Variants in CPEB1 observed in about 807,000 individuals in gnomAD.
The protein encoded by CPEB1 is cytoplasmic polyadenylation element-binding protein 1.
In CPEB1, 7 loss-of-function variants were observed where a neutral mutation model predicts 65.8. The observed-to-expected ratio is 0.11, with a 90% CI of 0.06 to 0.20. The LOEUF is 0.20. Among genes scored for constraint, CPEB1 ranks in the 10% least tolerant of loss-of-function variants. CPEB1 has a pLI of 1.00. For synonymous variants in CPEB1, 262 were observed against 260.0 expected (o/e 1.01, Z -0.08); for missense variants, 551 against 712.2 (o/e 0.77, Z 2.58).
chr15:82,544,710 G>A lies in CPEB1; in HGVS notation c.1657-8C>T, dbSNP rs2034849952. The A allele has an allele frequency of 6.2e-7, 1 of 1,608,148 alleles. No individual in the cohort carries two copies. Among genetic ancestry groups the A allele is most frequent in the Non-Finnish European group, 8.5e-7 (1 of 1,175,904 alleles). The stretch of plus-strand genomic sequence containing the variant: ...GAAGTATTTGAAGCAGACCTGGGTT[G>A]GGGGAACAAAAAGGAGGATGCCATG... On this transcript the variant is annotated splice_region_variant and splice_polypyrimidine_tract_variant and intron_variant, in intron 12 of 12. Transcript: ENST00000684509.
chr15:82,576,541 GAT>G (rs1020170438), intron 3 of CPEB1, among the ~76,000 whole-genome samples: 13 of 152,286 alleles, frequency 8.5e-5, no homozygotes, highest in African/African-American at 3.1e-4. Context: ...ACAATTTAAA[GAT>G]ATGTGATAAG....
Position 82,556,054 on chromosome 15 carries a change from T to A in CPEB1, c.756A>T (p.Leu252Phe). The stretch of plus-strand genomic sequence containing the variant: ...CCATCCGAGACCCTACCCCCATCTT[T>A]AAAGGGTCTCTGGGACCACCCCCTG... ...SLSGGGPRDP[L>F]KMGVGSRMDQ... Residue 252 changes from leucine (L) to phenylalanine (F), a missense_variant, in exon 6 of 13, where the codon TTA becomes TTT. Around this residue, in one of 6 missense-constraint regions of CPEB1, gnomAD observed 128 missense variants for 129.1 expected, o/e 0.99. Transcript: ENST00000684509. The A allele has an allele frequency of 6.2e-7, 1 of 1,612,328 alleles. No homozygotes were observed. Among genetic ancestry groups the A allele is most frequent in the East Asian group, 2.2e-5 (1 of 44,820 alleles).
Position 82,629,486 on chromosome 15 carries a change from A to C in CPEB1, c.-97-930T>G. The C allele has an allele frequency of 5.1e-6, 5 of 985,272 alleles. No individual in the cohort carries two copies. The South Asian group carries it at 1.9e-4, about 37-fold the overall frequency. 61.0% of individuals were successfully genotyped at this position (985,272 alleles called of 1,614,324 possible). A position where few individuals can be genotyped will look rare whatever the true frequency, so the allele number is the denominator to read the frequency against. On this transcript the variant is annotated intron_variant, in intron 1 of 12. Coordinates refer to ENST00000684509, the MANE Select transcript of CPEB1 (RefSeq NM_001365242.1). ...TAAAAAATCATGAACCCTTACACAA[A>C]AACTATTCTTTTGGTATTCCCTATC...
At chr15:82,601,559 T>A (rs1029524327) in intron 3 of CPEB1, among the ~76,000 whole-genome samples, 4 of 152,012 alleles carry the variant, frequency 2.6e-5, no homozygotes, top group African/African-American at 7.2e-5. Context: ...AACAAAAAAA[T>A]TTTTTTTCTA....
intron 3 of CPEB1, among the ~76,000 whole-genome samples, chr15:82,588,118 A>T (rs1567203674): frequency 1.3e-5 from 2 of 149,442 alleles, no homozygotes; most frequent in Non-Finnish European, 3.0e-5. Flanking sequence ...TTGTTTTTGT[A>T]TTTTTTTTTT....
intron 9 of CPEB1, among the ~76,000 whole-genome samples, chr15:82,551,394 T>A (rs998936534): frequency 6.6e-6 from 1 of 152,208 alleles, no homozygotes; most frequent in Non-Finnish European, 1.5e-5. Context: ...TGGAACATTT[T>A]TTTATACTGA....
intron 3 of CPEB1, 178 bp from the exon 4 acceptor site, chr15:82,571,710 G>A: frequency 1.4e-6 from 2 of 1,428,986 alleles, no homozygotes; most frequent in Admixed American, 2.9e-5. Flanking sequence ...AAGAGCAGTT[G>A]CCATACAGGC....
At chr15:82,583,411 T>G (rs2041482981) in intron 3 of CPEB1, 1 of 152,212 alleles carries the variant, frequency 6.6e-6, no homozygotes, top group Non-Finnish European at 1.5e-5. Context: ...CAGAAGTTCC[T>G]TAAACAGTAC....
At chr15:82,640,563 C>G (rs912778169) in intron 1 of CPEB1, 1 of 152,136 alleles carries the variant, frequency 6.6e-6, no homozygotes, top group Non-Finnish European at 1.5e-5. Context: ...TGGCAATAAC[C>G]TTTAAATCTT....
At chr15:82,549,401 A>T in intron 10 of CPEB1, 59 bp downstream of exon 10, 3 of 1,578,358 alleles carry the variant, frequency 1.9e-6, no homozygotes, top group Non-Finnish European at 2.6e-6. Flanking sequence ...GAAGTATCAC[A>T]ATCTTGGTCT....
chr15:82,549,877 A>G (rs2035942400), intron 9 of CPEB1, among the ~76,000 whole-genome samples: 1 of 152,210 alleles, frequency 6.6e-6, no homozygotes, highest in Non-Finnish European at 1.5e-5. Flanking sequence ...TGTGTCCAGA[A>G]TGGTAGAAGT....
intron 3 of CPEB1, among the ~76,000 whole-genome samples, chr15:82,601,490 G>C (rs904222825): frequency 1.3e-5 from 2 of 152,048 alleles, no homozygotes; most frequent in African/African-American, 4.8e-5. Context: ...GCAGTGACCT[G>C]AGATCACGCC....
At chr15:82,637,952 CAAT>C (rs2046799985) in intron 1 of CPEB1, 2 of 451,660 alleles carry the variant, frequency 4.4e-6, no homozygotes, top group Middle Eastern at 3.3e-4. Context: ...CATATTAACA[CAAT>C]GATTTTCCAA....
intron 3 of CPEB1, among the ~76,000 whole-genome samples, chr15:82,622,581 A>C (rs2045398616): frequency 6.6e-6 from 1 of 152,018 alleles, no homozygotes; most frequent in Non-Finnish European, 1.5e-5. Flanking sequence ...TAATAGAGAC[A>C]AGGTTTCGCC....
chr15:82,615,780 T>G (rs939993144), intron 3 of CPEB1, among the ~76,000 whole-genome samples: 1 of 152,130 alleles, frequency 6.6e-6, no homozygotes, highest in African/African-American at 2.4e-5. Flanking sequence ...TTTGAAAAAG[T>G]ACCCAGCAAC....
At chr15:82,553,686 G>C (rs1297815308) in intron 7 of CPEB1, 130 bp from the exon 8 acceptor site, 2 of 783,862 alleles carry the variant, frequency 2.6e-6, no homozygotes, top group African/African-American at 1.9e-5. Context: ...AACGAATGCT[G>C]ATCTCCGGTG....
At chr15:82,609,017 A>T (rs1265035047) in intron 3 of CPEB1, among the ~76,000 whole-genome samples, 1 of 152,224 alleles carries the variant, frequency 6.6e-6, no homozygotes, top group Non-Finnish European at 1.5e-5. Flanking sequence ...AAAGAACAGA[A>T]TTAGAAGTCA....
At chr15:82,636,027 A>T (rs1312056482) in intron 1 of CPEB1, among the ~76,000 whole-genome samples, 3 of 152,096 alleles carry the variant, frequency 2.0e-5, no homozygotes, top group Non-Finnish European at 4.4e-5. Flanking sequence ...CAACAGATAC[A>T]AGATCTCCTC....
At chr15:82,648,104 C>G (rs1471841673), upstream of CPEB1, 1 of 367,216 alleles carries the variant, frequency 2.7e-6, no homozygotes, top group Non-Finnish European at 4.8e-6. Context: ...CCCCTCCTAG[C>G]AGGCCGAGCC....
Sources: gnomAD v4.1 joint callset for allele counts (sites outside exome capture counted in the v4.1 genomes callset) on GRCh38, gnomAD v4.1.1 for gene constraint, gnomAD v4.1.1 regional missense constraint, MANE v1.5 for transcripts, NCBI Gene and HGNC (gene_info 2026-07-23, HGNC 2026-07-21) for gene names.